Variants in RGL1 observed in about 807,000 individuals in gnomAD.
The protein encoded by RGL1 is ral guanine nucleotide dissociation stimulator like 1.
RGL1 carries 24 observed loss-of-function variants against 95.2 expected under a neutral mutation model. The ratio of observed to expected loss-of-function variants is 0.25; its 90% CI spans 0.18 to 0.35. RGL1 has a LOEUF of 0.35. Among genes scored for constraint, RGL1 ranks in the 10% least tolerant of loss-of-function variants. RGL1 has a pLI of 1.00. For missense variants in RGL1, 715 were observed against 936.3 expected (o/e 0.76, Z 3.08); for synonymous variants, 329 against 344.9 (o/e 0.95, Z 0.51).
At chr1:183,841,349 A>G (rs1198204316) in intron 2 of RGL1, among the ~76,000 whole-genome samples, 1 of 152,220 alleles carries the variant, frequency 6.6e-6, no homozygotes, top group Non-Finnish European at 1.5e-5. Flanking sequence ...ATTATTCATT[A>G]TTTCTCTGAA....
intron 13 of RGL1, among the ~76,000 whole-genome samples, chr1:183,906,478 A>AAT (rs369809908): frequency 0.011 from 1,609 of 150,400 alleles, 7 homozygotes; most frequent in Middle Eastern, 0.024. Context: ...AAAATAAATA[A>AAT]ATATATATAT....
chr1:183,916,771 A>C, intron 16 of RGL1, 70 bp downstream of exon 16: 1 of 1,540,752 alleles, frequency 6.5e-7, no homozygotes, highest in Non-Finnish European at 8.8e-7. Context: ...TCGGCCGCTC[A>C]GACTAATAGC....
intron 8 of RGL1, among the ~76,000 whole-genome samples, chr1:183,891,442 T>C (rs1393791776): frequency 3.9e-5 from 6 of 152,136 alleles, no homozygotes; most frequent in Non-Finnish European, 2.9e-5. Context: ...GGTGAGAACA[T>C]TGAAGCTCAG....
At chr1:183,671,938 C>T (rs201796304) in intron 1 of RGL1, among the ~76,000 whole-genome samples, 1,889 of 137,840 alleles carry the variant, frequency 0.014, 47 homozygotes, top group African/African-American at 0.048. Flanking sequence ...TTTTTTTTTT[C>T]TTTTTTTTTT....
At chr1:183,904,753 C>T (rs1668216168) in intron 12 of RGL1, 97 bp from the exon 13 acceptor site, 7 of 1,277,592 alleles carry the variant, frequency 5.5e-6, no homozygotes, top group Non-Finnish European at 7.5e-6. Context: ...CATCTTTTAT[C>T]CTAATGTGGT....
At chr1:183,731,929 T>A (rs753932208) in intron 1 of RGL1, among the ~76,000 whole-genome samples, 11 of 152,234 alleles carry the variant, frequency 7.2e-5, no homozygotes, top group Admixed American at 2.6e-4. Context: ...CAAGGGCCAA[T>A]TAGTGGAGAA....
intron 1 of RGL1, among the ~76,000 whole-genome samples, chr1:183,705,848 A>G (rs983083872): frequency 5.9e-5 from 9 of 152,228 alleles, no homozygotes; most frequent in South Asian, 4.1e-4. Context: ...TGGGCAGAGT[A>G]GGTGACTGAC....
chr1:183,731,929 T>C (rs753932208), intron 1 of RGL1, among the ~76,000 whole-genome samples: 1 of 152,116 alleles, frequency 6.6e-6, no homozygotes, highest in South Asian at 2.1e-4. Flanking sequence ...CAAGGGCCAA[T>C]TAGTGGAGAA....
chr1:183,651,158 A>C (rs1238736998), intron 1 of RGL1, among the ~76,000 whole-genome samples: 2 of 151,636 alleles, frequency 1.3e-5, no homozygotes, highest in African/African-American at 4.8e-5. Flanking sequence ...TTTTTTTCTT[A>C]TTGTATTTAG....
rs531998018 is a variant in RGL1, at chr1:183,819,688, C to T, written c.138+13203C>T. Among the ~76,000 whole-genome samples, 12 of 151,902 alleles carry T rather than the reference C, an allele frequency of 7.9e-5. 1 individual carries two copies. Among genetic ancestry groups the T allele is most frequent in the African/African-American group, 1.9e-4 (8 of 41,418 alleles). On this transcript the variant is annotated intron_variant, in intron 2 of 17. Transcript: ENST00000360851. ...TGCTTCCTTGCCTTTTTCTTTGCAT[C>T]GGTGTTCAATGGCATAAATGTTTGC...
chr1:183,700,553 G>GTT lies in RGL1; in HGVS notation c.-32-41562_-32-41561dup, dbSNP rs34193140. 1.1e-3 allele frequency among the ~76,000 whole-genome samples: 154 copies of GTT among 140,842 alleles called. 1 individual carries two copies. The highest frequency in any genetic ancestry group is 3.6e-3 in the South Asian group (16 of 4,434). 92.4% of individuals were successfully genotyped at this position (140,842 alleles called of 152,430 possible). On this transcript the variant is annotated intron_variant, in intron 1 of 18. Transcript: ENST00000304685. ...ATCTATCAACCTGTCATCTAGGTTT[G>GTT]TTTTTTTTTTTTGGCAGAGTCTCAC...
chr1:183,711,167 A>C (rs931333606), intron 1 of RGL1, among the ~76,000 whole-genome samples: 4 of 152,152 alleles, frequency 2.6e-5, no homozygotes, highest in African/African-American at 9.7e-5. Context: ...GTGTGCACTC[A>C]GATCCTGGGC....
At chr1:183,719,625 G>C (rs1472844515) in intron 1 of RGL1, among the ~76,000 whole-genome samples, 1 of 152,174 alleles carries the variant, frequency 6.6e-6, no homozygotes, top group Non-Finnish European at 1.5e-5. Flanking sequence ...AAAATTAAAG[G>C]CCAGGTGCAG....
At chr1:183,760,408 A>T (rs920188277) in intron 2 of RGL1, among the ~76,000 whole-genome samples, 1 of 152,132 alleles carries the variant, frequency 6.6e-6, no homozygotes, top group African/African-American at 2.4e-5. Context: ...GTTGTTTGAT[A>T]GCATTTTACT....
chr1:183,643,491 C>A (rs974489501), intron 1 of RGL1, among the ~76,000 whole-genome samples: 2 of 152,052 alleles, frequency 1.3e-5, no homozygotes, highest in Non-Finnish European at 2.9e-5. Context: ...AGGGGTTTCA[C>A]CATGTTAGCC....
intron 1 of RGL1, among the ~76,000 whole-genome samples, chr1:183,680,452 A>G (rs530336253): frequency 3.9e-5 from 6 of 152,066 alleles, no homozygotes; most frequent in South Asian, 2.1e-4. Context: ...AGTTTTCCCA[A>G]CACCATTTAT....
In RGL1 at chr1:183,766,884, G is replaced by A. The variant is rs532042876; in HGVS notation, c.132+24595G>A. Among the ~76,000 whole-genome samples, 359 of 152,070 alleles carry A rather than the reference G, an allele frequency of 2.4e-3. 2 individuals carry two copies. The highest frequency in any genetic ancestry group is 3.8e-3 in the Non-Finnish European group (258 of 67,984). ...TTGGAAAAACATGGGAAACCAAATG[G>A]CTATCCATAGAACCAAATGCAAGCT... On this transcript the variant is annotated intron_variant, in intron 2 of 18. Transcript: ENST00000304685.
intron 3 of RGL1, among the ~76,000 whole-genome samples, chr1:183,854,917 T>G (rs1665040435): frequency 6.6e-6 from 1 of 152,198 alleles, no homozygotes; most frequent in Non-Finnish European, 1.5e-5. Context: ...TGAAAAATAT[T>G]AAGTGCTTAA....
rs578237175 is a variant in RGL1 at position 183,905,811 on chromosome 1, G to T, written c.1472+840G>T. ...TTTTACATTTTTAAATGATTGGGGT[G>T]GGGGGGAACAAAAAAAGAATATTTT... is the stretch of plus-strand genomic sequence containing the variant. On this transcript the variant is annotated intron_variant, in intron 13 of 17. Transcript: ENST00000360851. Among the ~76,000 whole-genome samples, 21 of 152,078 alleles carry T rather than the reference G, an allele frequency of 1.4e-4. No individual in the cohort carries two copies. The South Asian group carries it at 3.1e-3, about 23-fold the overall frequency.
Sources: gnomAD v4.1 joint callset for allele counts (sites outside exome capture counted in the v4.1 genomes callset) on GRCh38, gnomAD v4.1.1 for gene constraint, MANE v1.5 for transcripts, NCBI Gene and HGNC (gene_info 2026-07-23, HGNC 2026-07-21) for gene names.